The following RBFOX1 variants were observed in gnomAD, a reference collection of about 807,000 sequenced individuals.
RBFOX1 encodes RNA binding protein fox-1 homolog 1.
RBFOX1 carries 8 observed loss-of-function variants against 57.7 expected under a neutral mutation model. The observed-to-expected ratio is 0.14, with a 90% CI of 0.08 to 0.25. The LOEUF (loss-of-function observed/expected upper bound fraction) is 0.25, where lower values mean the gene tolerates loss of function less well. Among genes scored for constraint, RBFOX1 ranks in the 10% least tolerant of loss-of-function variants. The pLI, the probability that RBFOX1 is intolerant of heterozygous loss-of-function variation, is 1.00. For synonymous variants in RBFOX1, 326 were observed against 222.4 expected (o/e 1.47, Z -4.15); for missense variants, 611 against 548.5 (o/e 1.11, Z -1.14).
chr16:7,368,574 C>A (rs781721311), intron 4 of RBFOX1, among the ~76,000 whole-genome samples: 30 of 151,952 alleles, frequency 2.0e-4, no homozygotes, highest in Non-Finnish European at 2.6e-4. Flanking sequence ...GTCAGGAGAT[C>A]AAGACCATCC....
intron 4 of RBFOX1, among the ~76,000 whole-genome samples, chr16:7,386,363 C>A (rs1355464973): frequency 6.6e-6 from 1 of 152,080 alleles, no homozygotes; most frequent in Non-Finnish European, 1.5e-5. Flanking sequence ...GATATTTCTC[C>A]TAAAGCTATA....
intron 4 of RBFOX1, among the ~76,000 whole-genome samples, chr16:5,958,029 T>C (rs368769740): frequency 2.0e-5 from 3 of 152,194 alleles, no homozygotes; most frequent in East Asian, 3.9e-4. Flanking sequence ...TGTTCAATTA[T>C]GTTGATTCTA....
At chr16:6,312,704 CCTTCCTT>C (rs1567912195) in intron 1 of RBFOX1, among the ~76,000 whole-genome samples, 10 of 149,190 alleles carry the variant, frequency 6.7e-5, no homozygotes, top group African/African-American at 2.5e-4. Flanking sequence ...TTCCTTCCTT[CCTTCCTT>C]CCTCCATTCC....
chr16:6,459,293 G>A (rs1032466671), intron 2 of RBFOX1, among the ~76,000 whole-genome samples: 8 of 152,114 alleles, frequency 5.3e-5, no homozygotes, highest in Admixed American at 2.0e-4. Flanking sequence ...CCGAGATGGC[G>A]CCACTGCACT....
intron 1 of RBFOX1, among the ~76,000 whole-genome samples, chr16:6,166,086 T>C (rs1020102900): frequency 6.6e-6 from 1 of 152,198 alleles, no homozygotes; most frequent in Non-Finnish European, 1.5e-5. Context: ...TCTTTTCTCT[T>C]CCTACTCGAA....
intron 1 of RBFOX1, among the ~76,000 whole-genome samples, chr16:6,028,071 G>C (rs183514339): frequency 5.3e-4 from 81 of 152,318 alleles, no homozygotes; most frequent in African/African-American, 1.8e-3. Flanking sequence ...CTTGGTGTCT[G>C]TTTCCCTTGG....
At chr16:5,431,742 A>G (rs2067742974) in intron 1 of RBFOX1, among the ~76,000 whole-genome samples, 1 of 152,134 alleles carries the variant, frequency 6.6e-6, no homozygotes. Flanking sequence ...CATGCAGAAG[A>G]TGGCAAGTTT....
intron 4 of RBFOX1, among the ~76,000 whole-genome samples, chr16:5,894,323 C>T (rs1175723318): frequency 1.3e-5 from 2 of 152,122 alleles, no homozygotes; most frequent in African/African-American, 2.4e-5. Flanking sequence ...TGCTGTGTTG[C>T]CCAGGCTGGA....
intron 4 of RBFOX1, among the ~76,000 whole-genome samples, chr16:7,353,371 A>G (rs1235909647): frequency 6.6e-6 from 1 of 152,234 alleles, no homozygotes; most frequent in Non-Finnish European, 1.5e-5. Context: ...GCAGGAATGT[A>G]AAATTCCGCA....
At chr16:5,542,705 G>A (rs2045012043) in intron 2 of RBFOX1, among the ~76,000 whole-genome samples, 1 of 152,134 alleles carries the variant, frequency 6.6e-6, no homozygotes. Flanking sequence ...AATGAAAACT[G>A]TCAGTTTGAA....
At position 7,047,657 on chromosome 16, in the gene RBFOX1, G is replaced by C. The variant is rs144723045; in HGVS notation, c.-15-4400G>C. ...GTGAACTCTTTATCCTTATATTCTA[G>C]AATTTCAGTAACATGAAATATTGTA... On this transcript the variant is annotated intron_variant, in intron 3 of 15. Coordinates refer to ENST00000550418, the MANE Select transcript of RBFOX1 (RefSeq NM_018723.4). Among the ~76,000 whole-genome samples, 24 of 135,030 alleles carry C rather than the reference G, an allele frequency of 1.8e-4. No homozygotes were observed. In the East Asian group the frequency reaches 4.6e-3, roughly 26 times the overall value. The allele number at this position is 135,030 out of a possible 152,430, so 88.6% of individuals were successfully genotyped here.
At chr16:5,491,993 C>A (rs2042849025) in intron 2 of RBFOX1, among the ~76,000 whole-genome samples, 1 of 152,134 alleles carries the variant, frequency 6.6e-6, no homozygotes, top group African/African-American at 2.4e-5. Flanking sequence ...TAGTGTGTGG[C>A]CAGGGTTGAG....
chr16:6,800,159 C>T (rs1329674506), intron 3 of RBFOX1, among the ~76,000 whole-genome samples: 3 of 150,922 alleles, frequency 2.0e-5, no homozygotes, highest in East Asian at 3.9e-4. Flanking sequence ...AATTTCTTTG[C>T]GACATCCAGT....
At chr16:7,696,599 G>C (rs1598339472) in intron 14 of RBFOX1, among the ~76,000 whole-genome samples, 1 of 151,540 alleles carries the variant, frequency 6.6e-6, no homozygotes, top group Non-Finnish European at 1.5e-5. Context: ...ACTGTTCTAA[G>C]CCCTGGGGAC....
intron 4 of RBFOX1, among the ~76,000 whole-genome samples, chr16:7,067,153 G>A (rs922496315): frequency 6.6e-6 from 1 of 152,146 alleles, no homozygotes; most frequent in Non-Finnish European, 1.5e-5. Context: ...TGGGCCCGGA[G>A]AACTGAACAG....
intron 2 of RBFOX1, among the ~76,000 whole-genome samples, chr16:6,569,609 T>C (rs2097316178): frequency 6.6e-6 from 1 of 152,198 alleles, no homozygotes; most frequent in South Asian, 2.1e-4. Context: ...AGAAATCTAC[T>C]TTTCTGTTGC....
chr16:7,103,617 C>T (rs1437768017), intron 4 of RBFOX1, among the ~76,000 whole-genome samples: 1 of 152,040 alleles, frequency 6.6e-6, no homozygotes, highest in African/African-American at 2.4e-5. Context: ...GATTTCTCTT[C>T]TTCACCTCTC....
At chr16:6,737,341 T>A (rs748095592) in intron 3 of RBFOX1, among the ~76,000 whole-genome samples, 1 of 148,738 alleles carries the variant, frequency 6.7e-6, no homozygotes, top group Non-Finnish European at 1.5e-5. Flanking sequence ...AGTATAAAAA[T>A]GCATCAGTTT....
At chr16:6,299,023 CTT>C (rs908551958) in intron 1 of RBFOX1, among the ~76,000 whole-genome samples, 10 of 152,264 alleles carry the variant, frequency 6.6e-5, no homozygotes, top group African/African-American at 2.4e-4. Context: ...TATTTCTGCC[CTT>C]GTCTCTGATA....
Sources: allele counts gnomAD v4.1 joint callset (sites outside exome capture counted in the v4.1 genomes callset), GRCh38; gene constraint gnomAD v4.1.1; transcripts MANE v1.5; gene names NCBI Gene and HGNC (gene_info 2026-07-23, HGNC 2026-07-21).